The following DCDC1 variants were observed in gnomAD, a reference collection of about 807,000 sequenced individuals.
DCDC1 encodes doublecortin domain containing 1.
A neutral mutation model predicts 178.3 loss-of-function variants in DCDC1; 200 were observed. The observed-to-expected ratio is 1.12, with a 90% CI of 1.00 to 1.26. The LOEUF (loss-of-function observed/expected upper bound fraction) is 1.26, where lower values mean the gene tolerates loss of function less well. Ranked by LOEUF, DCDC1 falls within the 50% of genes most tolerant of loss-of-function variation. The pLI is 0.00. For missense variants in DCDC1, 1,983 were observed against 1,749.2 expected (o/e 1.13, Z -2.38); for synonymous variants, 690 against 604.8 (o/e 1.14, Z -2.07).
intron 8 of DCDC1, among the ~76,000 whole-genome samples, chr11:31,263,621 T>C (rs1055366068): frequency 9.9e-5 from 15 of 152,188 alleles, no homozygotes; most frequent in African/African-American, 3.6e-4. Context: ...ATGTAATCCT[T>C]GGCCAAAAAA....
At chr11:30,956,641 C>T (rs962045558) in intron 20 of DCDC1, among the ~76,000 whole-genome samples, 34 of 151,880 alleles carry the variant, frequency 2.2e-4, no homozygotes, top group Non-Finnish European at 4.4e-4. Flanking sequence ...AGTTATTTTT[C>T]TTTTATTTCC....
chr11:31,111,354 T>C (rs973569854), intron 11 of DCDC1, among the ~76,000 whole-genome samples: 5 of 152,038 alleles, frequency 3.3e-5, no homozygotes, highest in African/African-American at 1.2e-4. Flanking sequence ...TATTTAATTG[T>C]CTCAACCTGG....
At chr11:31,026,324 A>C (rs998667536) in intron 20 of DCDC1, among the ~76,000 whole-genome samples, 9 of 151,822 alleles carry the variant, frequency 5.9e-5, no homozygotes, top group Non-Finnish European at 1.3e-4. Flanking sequence ...CATAGCAGAA[A>C]CTACATAATG....
intron 1 of DCDC1, among the ~76,000 whole-genome samples, chr11:31,360,341 T>C (rs1302339882): frequency 6.6e-6 from 1 of 152,196 alleles, no homozygotes; most frequent in African/African-American, 2.4e-5. Context: ...GTGGAGACTT[T>C]GGCCAAAAGT....
At chr11:31,070,763 G>A (rs1174064386) in intron 18 of DCDC1, among the ~76,000 whole-genome samples, 3 of 152,072 alleles carry the variant, frequency 2.0e-5, no homozygotes, top group African/African-American at 7.2e-5. Context: ...CCCATAAATG[G>A]AGGAGATGGA....
At chr11:31,172,540 T>C (rs540579580) in intron 9 of DCDC1, among the ~76,000 whole-genome samples, 3 of 152,310 alleles carry the variant, frequency 2.0e-5, no homozygotes, top group East Asian at 3.9e-4. Context: ...AAAATCCTCA[T>C]ATAACCTTTT....
chr11:31,310,308 A>ATTTTTTTTTTTTT lies in DCDC1; in HGVS notation c.165-2413_165-2401dup, dbSNP rs11407483. On this transcript the variant is annotated intron_variant, in intron 3 of 38. Transcript: ENST00000684477. ...GAGGACAGGTTTTCAGTAATTCTTG[A>ATTTTTTTTTTTTT]TTTTTTTTTTTTTTTTTTTTTTTTT... Among the ~76,000 whole-genome samples, 38 of 53,882 alleles carry ATTTTTTTTTTTTT rather than the reference A, an allele frequency of 7.1e-4. 4 individuals are homozygous for ATTTTTTTTTTTTT. Among genetic ancestry groups the ATTTTTTTTTTTTT allele is most frequent in the African/African-American group, 3.2e-3 (37 of 11,730 alleles). 35.3% of individuals were successfully genotyped at this position (53,882 alleles called of 152,430 possible).
intron 20 of DCDC1, among the ~76,000 whole-genome samples, chr11:31,019,119 C>G (rs1952692599): frequency 6.6e-6 from 1 of 152,126 alleles, no homozygotes; most frequent in Non-Finnish European, 1.5e-5. Flanking sequence ...CATCACATCC[C>G]TCAATCTCAG....
chr11:30,908,477 G>C (rs1395243757), intron 29 of DCDC1, among the ~76,000 whole-genome samples: 1 of 152,116 alleles, frequency 6.6e-6, no homozygotes, highest in Non-Finnish European at 1.5e-5. Flanking sequence ...ATTAAGGATA[G>C]AGTATTAGAT....
chr11:31,236,960 T>C (rs1976539889), intron 9 of DCDC1, among the ~76,000 whole-genome samples: 1 of 151,958 alleles, frequency 6.6e-6, no homozygotes, highest in African/African-American at 2.4e-5. Context: ...GTAGAACCAA[T>C]AAATTATTTT....
chr11:31,211,572 C>G (rs1972534723), intron 9 of DCDC1, among the ~76,000 whole-genome samples: 1 of 152,080 alleles, frequency 6.6e-6, no homozygotes, highest in African/African-American at 2.4e-5. Context: ...TACAGACATG[C>G]CTAGATACTT....
intron 7 of DCDC1, among the ~76,000 whole-genome samples, chr11:31,275,630 G>A (rs1242451116): frequency 2.0e-5 from 3 of 151,922 alleles, no homozygotes; most frequent in African/African-American, 4.8e-5. Context: ...TCAGCCTCCC[G>A]AATAGCTGGG....
At chr11:31,057,395 C>G (rs894573041) in intron 20 of DCDC1, among the ~76,000 whole-genome samples, 1 of 152,006 alleles carries the variant, frequency 6.6e-6, no homozygotes. Flanking sequence ...TGAAATTAAT[C>G]TAGAAGTCAA....
intron 20 of DCDC1, among the ~76,000 whole-genome samples, chr11:30,981,914 AG>A (rs1397081732): frequency 6.6e-6 from 1 of 152,176 alleles, no homozygotes; most frequent in Non-Finnish European, 1.5e-5. Context: ...GCAAAGATAA[AG>A]GGATTGGATA....
At chr11:31,365,220 G>C (rs904363846) in intron 1 of DCDC1, among the ~76,000 whole-genome samples, 5 of 152,138 alleles carry the variant, frequency 3.3e-5, no homozygotes, top group Non-Finnish European at 5.9e-5. Flanking sequence ...GTCAATAGGT[G>C]AATGAAGGCT....
At chr11:30,989,382 A>G (rs924487743) in intron 20 of DCDC1, among the ~76,000 whole-genome samples, 43 of 152,212 alleles carry the variant, frequency 2.8e-4, no homozygotes, top group African/African-American at 1.0e-3. Context: ...TTCCTGAAGA[A>G]CAAGACAATC....
At chr11:30,932,474 A>G (rs1946994081) in intron 21 of DCDC1, among the ~76,000 whole-genome samples, 1 of 152,224 alleles carries the variant, frequency 6.6e-6, no homozygotes, top group Non-Finnish European at 1.5e-5. Flanking sequence ...TTTATCCATA[A>G]AATCATTTAT....
intron 27 of DCDC1, among the ~76,000 whole-genome samples, chr11:30,913,955 C>T (rs1023858093): frequency 2.6e-5 from 4 of 152,062 alleles, no homozygotes; most frequent in Non-Finnish European, 5.9e-5. Flanking sequence ...TACAGAAAGC[C>T]GAGGCAATAA....
intron 11 of DCDC1, among the ~76,000 whole-genome samples, chr11:31,111,134 G>C (rs1327815308): frequency 6.6e-6 from 1 of 152,022 alleles, no homozygotes; most frequent in Admixed American, 6.5e-5. Flanking sequence ...GCAGCTGAGA[G>C]AGGGGCCTGA....
Sources: gnomAD v4.1 joint callset for allele counts (sites outside exome capture counted in the v4.1 genomes callset) on GRCh38, gnomAD v4.1.1 for gene constraint, MANE v1.5 for transcripts, NCBI Gene and HGNC (gene_info 2026-07-23, HGNC 2026-07-21) for gene names.